RABGAP1L: variants seen among roughly 807,000 people sequenced by gnomAD.
RABGAP1L encodes the protein rab GTPase-activating protein 1-like.
In RABGAP1L, 63 loss-of-function variants were observed where a neutral mutation model predicts 137.7. The ratio of observed to expected loss-of-function variants is 0.46; its 90% CI spans 0.37 to 0.56. The LOEUF (loss-of-function observed/expected upper bound fraction) is 0.56, where lower values mean the gene tolerates loss of function less well. RABGAP1L is among the 20% of genes least tolerant of loss of function. The pLI is 0.00. For synonymous variants in RABGAP1L, 431 were observed against 433.7 expected (o/e 0.99, Z 0.08); for missense variants, 1,095 against 1,244.0 (o/e 0.88, Z 1.80).
intron 14 of RABGAP1L, among the ~76,000 whole-genome samples, chr1:174,662,097 CTTTTCTTTTT>C (rs1350886873): frequency 9.4e-6 from 1 of 106,132 alleles, no homozygotes; most frequent in African/African-American, 4.4e-5. Flanking sequence ...GAAGGCTTTT[CTTTTCTTTTT>C]TTTTTTTTTT....
intron 13 of RABGAP1L, among the ~76,000 whole-genome samples, chr1:174,403,247 G>GTGTA (rs1210664506): frequency 1.9e-3 from 251 of 129,388 alleles, no homozygotes; most frequent in Middle Eastern, 0.012. Context: ...GTGTGTGTGT[G>GTGTA]TATATATATG....
intron 19 of RABGAP1L, chr1:174,875,404 A>G (rs1399824244): frequency 1.2e-5 from 4 of 337,682 alleles, no homozygotes; most frequent in Non-Finnish European, 1.7e-5. Flanking sequence ...CCCAGGGTGC[A>G]TAGGCGCTGC....
intron 10 of RABGAP1L, among the ~76,000 whole-genome samples, chr1:174,291,196 T>A (rs79527531): frequency 1.4e-4 from 21 of 150,704 alleles, no homozygotes; most frequent in African/African-American, 4.5e-4. Context: ...GTGTTGAAAC[T>A]CTATCAAATA....
At position 174,369,430 on chromosome 1, in the gene RABGAP1L, C is replaced by G. The variant is rs141923896; in HGVS notation, c.1466-1549C>G. On this transcript the variant is annotated intron_variant, in intron 11 of 25. Transcript: ENST00000681986. ...GGTCTCAAACCCCTGAGCTCAGGCC[C>G]TCCTTGGCCTCCCAAAGTGCTGGGA... 9.0e-4 allele frequency among the ~76,000 whole-genome samples: 137 copies of G among 152,276 alleles called. 1 individual carries two copies. The East Asian group carries it at 0.021, about 24-fold the overall frequency.
chr1:174,402,542 A>G (rs932620040), intron 13 of RABGAP1L, among the ~76,000 whole-genome samples: 13 of 152,138 alleles, frequency 8.5e-5, no homozygotes, highest in African/African-American at 3.1e-4. Context: ...TGAGCCTTCA[A>G]CCATTGTCTG....
chr1:174,770,566 C>G (rs1032414931), intron 18 of RABGAP1L, among the ~76,000 whole-genome samples: 1 of 152,136 alleles, frequency 6.6e-6, no homozygotes, highest in Non-Finnish European at 1.5e-5. Flanking sequence ...ACTTAATGTA[C>G]CCTAAGAAAT....
chr1:174,518,284 A>G (rs2147834235), intron 13 of RABGAP1L, among the ~76,000 whole-genome samples: 1 of 152,216 alleles, frequency 6.6e-6, no homozygotes, highest in Non-Finnish European at 1.5e-5. Context: ...AGCCTCCCTC[A>G]GTATCTAGGG....
chr1:174,827,134 G>C (rs528622205), intron 19 of RABGAP1L, among the ~76,000 whole-genome samples: 60 of 151,852 alleles, frequency 4.0e-4, no homozygotes, highest in Non-Finnish European at 7.5e-4. Flanking sequence ...ATCTCTCTCT[G>C]TCTTTGTTTT....
intron 1 of RABGAP1L, among the ~76,000 whole-genome samples, chr1:174,213,096 C>T (rs1669023052): frequency 6.6e-6 from 1 of 152,130 alleles, no homozygotes; most frequent in African/African-American, 2.4e-5. Context: ...CACTGGTGAA[C>T]TTTCCCAAAC....
intron 11 of RABGAP1L, among the ~76,000 whole-genome samples, chr1:174,342,519 T>G (rs1448065428): frequency 6.6e-6 from 1 of 152,206 alleles, no homozygotes; most frequent in Non-Finnish European, 1.5e-5. Context: ...AAAATCATCT[T>G]TGTAAAGCTA....
chr1:174,304,406 G>A (rs1054146984), intron 10 of RABGAP1L, among the ~76,000 whole-genome samples: 2 of 151,162 alleles, frequency 1.3e-5, no homozygotes, highest in African/African-American at 2.4e-5. Context: ...AAAATGATTC[G>A]ATTTGCTAAT....
chr1:174,446,838 C>A (rs1654823310), intron 13 of RABGAP1L, among the ~76,000 whole-genome samples: 1 of 152,154 alleles, frequency 6.6e-6, no homozygotes, highest in Non-Finnish European at 1.5e-5. Context: ...TGTGTTAAAT[C>A]ATCTACTGAA....
At chr1:174,648,160 G>T (rs1263085422) in intron 14 of RABGAP1L, among the ~76,000 whole-genome samples, 1 of 151,794 alleles carries the variant, frequency 6.6e-6, no homozygotes, top group African/African-American at 2.4e-5. Context: ...ACCACCTCCT[G>T]GATTCATTGA....
intron 13 of RABGAP1L, among the ~76,000 whole-genome samples, chr1:174,613,520 G>C (rs1671476065): frequency 6.6e-6 from 1 of 152,164 alleles, no homozygotes; most frequent in Non-Finnish European, 1.5e-5. Context: ...GTGCTGAAAA[G>C]AATGTATATT....
chr1:174,448,237 C>T lies in RABGAP1L; in HGVS notation c.1710+54092C>T, dbSNP rs145259584. On this transcript the variant is annotated intron_variant, in intron 13 of 25. Coordinates refer to ENST00000681986, the MANE Select transcript of RABGAP1L (RefSeq NM_001366446.1). The surrounding 1 kb of genome is among the most constrained non-coding windows in gnomAD (Gnocchi z 4.2). ...ACAGTGTGGTGGATGTCTGCATCTT[C>T]GAGACAGTGGTTATTGTGTTGCTGA... 8.4e-5 allele frequency: 136 copies of T among 1,613,914 alleles called. No individual in the cohort carries two copies. Among genetic ancestry groups the T allele is most frequent in the Non-Finnish European group, 1.0e-4 (122 of 1,179,974 alleles).
intron 19 of RABGAP1L, among the ~76,000 whole-genome samples, chr1:174,900,377 G>C (rs1159495802): frequency 2.0e-5 from 3 of 152,202 alleles, no homozygotes; most frequent in African/African-American, 4.8e-5. Context: ...TGTAAATGAA[G>C]AGAATGAAGT....
chr1:174,374,175 A>G (rs1685327451), intron 12 of RABGAP1L, among the ~76,000 whole-genome samples: 1 of 152,160 alleles, frequency 6.6e-6, no homozygotes, highest in Admixed American at 6.5e-5. Context: ...TGCTACTGTT[A>G]CGTGGTTTCT....
chr1:174,301,319 A>G (rs150700719), intron 10 of RABGAP1L, among the ~76,000 whole-genome samples: 310 of 150,586 alleles, frequency 2.1e-3, no homozygotes, highest in Admixed American at 3.2e-3. Flanking sequence ...GTGTTACAGC[A>G]TGCTAATTAG....
chr1:174,200,996 C>T (rs1332798970), intron 1 of RABGAP1L, among the ~76,000 whole-genome samples: 1 of 152,158 alleles, frequency 6.6e-6, no homozygotes, highest in Non-Finnish European at 1.5e-5. Flanking sequence ...ACCACCAGGG[C>T]CGTCGTTTTA....
Sources: gnomAD v4.1 joint callset for allele counts (sites outside exome capture counted in the v4.1 genomes callset) on GRCh38, gnomAD v4.1.1 for gene constraint, Gnocchi (gnomAD v3.1) non-coding constraint, MANE v1.5 for transcripts, NCBI Gene and HGNC (gene_info 2026-07-23, HGNC 2026-07-21) for gene names.